Variants in ANKRD13A observed in about 807,000 individuals in gnomAD.
ANKRD13A encodes ankyrin repeat domain-containing protein 13A.
ANKRD13A carries 48 observed loss-of-function variants against 81.3 expected under a neutral mutation model. The observed-to-expected ratio is 0.59, with a 90% CI of 0.47 to 0.75. ANKRD13A has a LOEUF of 0.75. Ranked by LOEUF, ANKRD13A falls within the 30% of genes least tolerant of loss-of-function variation. The pLI is 0.00. For synonymous variants in ANKRD13A, 230 were observed against 270.1 expected (o/e 0.85, Z 1.45); for missense variants, 612 against 734.0 (o/e 0.83, Z 1.92).
At chr12:110,008,760 C>A (rs1890364001) in intron 1 of ANKRD13A, among the ~76,000 whole-genome samples, 1 of 152,082 alleles carries the variant, frequency 6.6e-6, no homozygotes, top group Admixed American at 6.6e-5. Context: ...TGGTGGGCAC[C>A]TGTAATCCCA....
chr12:110,031,357 A>AT lies in ANKRD13A; in HGVS notation c.1348+613dup, dbSNP rs112846454. ...CATTTTAAGTGTGATGGTTCAGTGC[A>AT]TTTTTTTTTTTTTTCTCAGAGTCTC... On this transcript the variant is annotated intron_variant, in intron 12 of 14. Coordinates refer to ENST00000261739, the MANE Select transcript of ANKRD13A (RefSeq NM_033121.2). Among the ~76,000 whole-genome samples the AT allele has an allele frequency of 2.7e-3, 380 of 143,112 alleles. 1 individual carries two copies. Among genetic ancestry groups the AT allele is most frequent in the Admixed American group, 4.6e-3 (66 of 14,248 alleles). 93.9% of individuals were successfully genotyped at this position (143,112 alleles called of 152,430 possible). A position where few individuals can be genotyped will look rare whatever the true frequency, so the allele number is the denominator to read the frequency against.
Position 110,030,675 on chromosome 12 carries a change from G to A in ANKRD13A, c.1265G>A (p.Arg422Gln), listed in dbSNP as rs149017101. ...CCCTTGTTTCATGTCTTAAATGCAC[G>A]GATTACATTTGGAAATGTTAATGGC... ...EIPLFHVLNA[R>Q]ITFGNVNGCS... is the part of the protein sequence containing the mutation. Residue 422 changes from arginine to glutamine, a missense_variant, in exon 12 of 15, where the codon CGG becomes CAG. Coordinates refer to ENST00000261739, the MANE Select transcript of ANKRD13A (RefSeq NM_033121.2). The A allele has an allele frequency of 8.7e-6, 14 of 1,605,744 alleles. No individual in the cohort carries two copies. The East Asian group carries it at 2.2e-4, about 26-fold the overall frequency.
chr12:110,017,561 A>G (rs1890857858), intron 4 of ANKRD13A, among the ~76,000 whole-genome samples: 1 of 152,222 alleles, frequency 6.6e-6, no homozygotes, highest in African/African-American at 2.4e-5. Context: ...ACGTAAAAGA[A>G]TAGAACTTCA....
chr12:110,031,261 A>G (rs899046468), intron 12 of ANKRD13A, among the ~76,000 whole-genome samples: 59 of 152,198 alleles, frequency 3.9e-4, no homozygotes, highest in South Asian at 8.3e-4. Context: ...GATCCTAGTT[A>G]TATTAAAAAG....
At chr12:110,010,103 G>C (rs1890437448) in intron 1 of ANKRD13A, among the ~76,000 whole-genome samples, 1 of 152,196 alleles carries the variant, frequency 6.6e-6, no homozygotes, top group South Asian at 2.1e-4. Flanking sequence ...CTGACCTCAG[G>C]TGATCCACCC....
At chr12:110,002,793 TC>T (rs1210760831) in intron 1 of ANKRD13A, among the ~76,000 whole-genome samples, 1 of 152,146 alleles carries the variant, frequency 6.6e-6, no homozygotes, top group African/African-American at 2.4e-5. Flanking sequence ...GGTTTTTTGT[TC>T]CTGTTCCAGG....
rs1388871723 is a variant in ANKRD13A at position 110,036,451 on chromosome 12, A to G, written c.1577+123A>G. The G allele has an allele frequency of 4.7e-6, 5 of 1,067,484 alleles. No individual in the cohort carries two copies. Among genetic ancestry groups the G allele is most frequent in the African/African-American group, 3.1e-5 (2 of 63,596 alleles). The allele number at this position is 1,067,484 out of a possible 1,614,324, so 66.1% of individuals were successfully genotyped here. A position where few individuals can be genotyped will look rare whatever the true frequency, so the allele number is the denominator to read the frequency against. Reference sequence around the variant, plus strand: ...ATGTACGGTGCCACAAACTGGCAGGAAAGACTAGAAAAAGTAGGCCAGGAG... The same window carrying G: ...ATGTACGGTGCCACAAACTGGCAGGGAAGACTAGAAAAAGTAGGCCAGGAG... On this transcript the variant is annotated intron_variant, in intron 14 of 14. Coordinates refer to ENST00000261739, the MANE Select transcript of ANKRD13A (RefSeq NM_033121.2). The surrounding 1 kb of genome is among the most constrained non-coding windows in gnomAD (Gnocchi z 4.6).
In ANKRD13A at chr12:110,018,505, G is replaced by A. The variant is rs1267850946; in HGVS notation, c.544+17G>A. 2 of 1,610,010 alleles carry A rather than the reference G, an allele frequency of 1.2e-6. No homozygotes were observed. The highest frequency in any genetic ancestry group is 2.2e-5 in the East Asian group (1 of 44,786). ...AGGGAGAAGGTGAGTGACTTCTCTT[G>A]TAGTAATCACTGCTCAAGCAAAATT... On this transcript the variant is annotated intron_variant, in intron 5 of 14. Transcript: ENST00000261739. This position sits in a 1 kb window ranked among gnomAD's most constrained non-coding sequence, Gnocchi z 4.4.
At chr12:110,000,889 CTG>C in intron 1 of ANKRD13A, among the ~76,000 whole-genome samples, 1 of 151,240 alleles carries the variant, frequency 6.6e-6, no homozygotes, top group South Asian at 2.1e-4. Flanking sequence ...CCCCAAGTAA[CTG>C]AGATTACAGG....
rs1426334285 is a variant in ANKRD13A, at chr12:110,039,070, T to TG, written c.*1516_*1517insG. On this transcript the variant is annotated 3_prime_UTR_variant, in exon 15 of 15. Transcript: ENST00000261739. ...AATTCCATTTCACAATCTGTTTTGT[T>TG]TTTTTTTTTTGTCATTGTCTGACCA... 2 of 150,594 alleles carry TG rather than the reference T, an allele frequency of 1.3e-5. No individual in the cohort carries two copies. Among genetic ancestry groups the TG allele is most frequent in the African/African-American group, 4.9e-5 (2 of 41,152 alleles). 9.3% of individuals were successfully genotyped at this position (150,594 alleles called of 1,614,324 possible).
Position 110,028,531 on chromosome 12 carries a change from C to G in ANKRD13A, c.965C>G (p.Ala322Gly). Residue 322 changes from alanine to glycine, a missense_variant, in exon 10 of 15, where the codon GCT (alanine) becomes GGT (glycine). Physicochemically the swap from Ala to Gly is moderately conservative, Grantham distance 60. Coordinates refer to ENST00000261739, the MANE Select transcript of ANKRD13A (RefSeq NM_033121.2). ...GAQGDLTTEC[A>G]TANNPTAITP... ...CAGCAGGACCTCACCACGGAATGTGCTACTGCAAACAACCCCACAGCCATC... is the reference window on the plus strand; with the variant it reads ...CAGCAGGACCTCACCACGGAATGTGGTACTGCAAACAACCCCACAGCCATC... 6.2e-7 allele frequency: 1 copy of G among 1,614,128 alleles called. No individual in the cohort carries two copies. Among genetic ancestry groups the G allele is most frequent in the Non-Finnish European group, 8.5e-7 (1 of 1,179,998 alleles).
chr12:110,017,941 A>C (rs1013599356), intron 4 of ANKRD13A, among the ~76,000 whole-genome samples: 6 of 152,156 alleles, frequency 3.9e-5, no homozygotes, highest in African/African-American at 1.4e-4. Flanking sequence ...CAAAAAAAAA[A>C]AAAAGTGGCA....
At chr12:110,013,012 G>A in intron 2 of ANKRD13A, 113 bp from the exon 3 acceptor site, 2 of 1,123,058 alleles carry the variant, frequency 1.8e-6, no homozygotes, top group South Asian at 3.0e-5. Flanking sequence ...AGGTTGGACT[G>A]CAGCCCTTTT....
At chr12:110,013,065 G>C (rs1890609668) in intron 2 of ANKRD13A, 60 bp from the exon 3 acceptor site, 2 of 1,591,872 alleles carry the variant, frequency 1.3e-6, no homozygotes, top group African/African-American at 2.7e-5. Context: ...TACTTTTTCA[G>C]CCTGGTTTTG....
At position 110,011,803 on chromosome 12, in the gene ANKRD13A, T is replaced by C. The variant is rs1236663289; in HGVS notation, c.97-202T>C. 3.3e-5 allele frequency among the ~76,000 whole-genome samples: 5 copies of C among 152,240 alleles called. No homozygotes were observed. In the East Asian group the frequency reaches 9.6e-4, roughly 29 times the overall value. On this transcript the variant is annotated intron_variant, in intron 1 of 14. Transcript: ENST00000261739. ...GCACTTAACTTTATAGAAAAAGGAA[T>C]TCAGTAACTATCACCTTCATATATA...
Position 110,030,648 on chromosome 12 carries a change from T to C in ANKRD13A, c.1238T>C (p.Ile413Thr), listed in dbSNP as rs768541474. 6 of 1,580,922 alleles carry C rather than the reference T, an allele frequency of 3.8e-6. No individual in the cohort carries two copies. The South Asian group carries it at 4.7e-5, about 12-fold the overall frequency. Residue 413 changes from isoleucine to threonine, a missense_variant, in exon 12 of 15, where the codon ATT (isoleucine) becomes ACT (threonine). Transcript: ENST00000261739. ...AAGTTTTTATTTTGTTTGTTAGAAA[T>C]TCCCTTGTTTCATGTCTTAAATGCA... is the stretch of plus-strand genomic sequence containing the variant. ...FPPGFPVKIE[I>T]PLFHVLNARI...
At chr12:110,003,831 T>C (rs981042794) in intron 1 of ANKRD13A, among the ~76,000 whole-genome samples, 11 of 152,196 alleles carry the variant, frequency 7.2e-5, no homozygotes, top group African/African-American at 2.4e-4. Context: ...AAGACCAGCC[T>C]GGCCAATATA....
rs750533830 is a variant in ANKRD13A, at chr12:110,024,127, TTAAAA to T, written c.801+19_801+23del. On this transcript the variant is annotated intron_variant, in intron 7 of 14. Transcript: ENST00000261739. ...ACGAAGCAAAGGTAAAAGGAAACTC[TTAAAA>T]TAAGATTTAATATAGCTATTTAGCT... is the stretch of plus-strand genomic sequence containing the variant. 9.5e-6 allele frequency: 15 copies of T among 1,585,574 alleles called. No individual in the cohort carries two copies. Among genetic ancestry groups the T allele is most frequent in the Non-Finnish European group, 1.3e-5 (15 of 1,170,956 alleles).
intron 11 of ANKRD13A, 49 bp downstream of exon 11, chr12:110,029,684 G>A: frequency 1.9e-6 from 3 of 1,594,334 alleles, no homozygotes; most frequent in Non-Finnish European, 2.6e-6. Context: ...GCCCATGTTT[G>A]TGGGTGGCAG....
Sources: allele counts gnomAD v4.1 joint callset (sites outside exome capture counted in the v4.1 genomes callset), GRCh38; gene constraint gnomAD v4.1.1; non-coding constraint Gnocchi (gnomAD v3.1); transcripts MANE v1.5; gene names NCBI Gene and HGNC (gene_info 2026-07-23, HGNC 2026-07-21).